Variants in AAK1 observed in about 807,000 individuals in gnomAD.
The protein encoded by AAK1 is AP2-associated protein kinase 1.
A neutral mutation model predicts 116.0 loss-of-function variants in AAK1; 37 were observed. That is an observed-to-expected ratio of 0.32 (90% CI 0.25 to 0.42). AAK1 has a LOEUF of 0.42. Among genes scored for constraint, AAK1 ranks in the 10% least tolerant of loss-of-function variants. The pLI, the probability that AAK1 is intolerant of heterozygous loss-of-function variation, is 1.00. For missense variants in AAK1, 919 were observed against 1,170.6 expected, an observed-to-expected ratio of 0.79 and a Z score of 3.14; for synonymous variants, 458 against 439.9, an observed-to-expected ratio of 1.04 and a Z score of -0.51.
Position 69,544,485 on chromosome 2 carries a change from C to A in AAK1, c.342G>T (p.Val114=), listed in dbSNP as rs1469117762. The part of the protein sequence containing the change: ...VGYIDSSINN[V]SSGDVWEVLI... ...GCACTTCCCATACATCACCGCTACTCACGTTGTTGATACTAGAATCAATGT... is the reference window on the plus strand; with the variant it reads ...GCACTTCCCATACATCACCGCTACTAACGTTGTTGATACTAGAATCAATGT... The change falls in exon 4 of 22, where the codon GTG becomes GTT. Residue 114 remains valine (V), a synonymous_variant. Transcript: ENST00000409085. 2 of 1,613,872 alleles carry A rather than the reference C, an allele frequency of 1.2e-6. No individual in the cohort carries two copies. Among genetic ancestry groups the A allele is most frequent in the African/African-American group, 1.3e-5 (1 of 75,040 alleles).
intron 5 of AAK1, among the ~76,000 whole-genome samples, chr2:69,535,346 T>C (rs1670419053): frequency 1.3e-5 from 2 of 152,162 alleles, no homozygotes; most frequent in Non-Finnish European, 2.9e-5. Context: ...ACCCATTACG[T>C]ACCCACAAAA....
intron 2 of AAK1, among the ~76,000 whole-genome samples, chr2:69,604,065 T>C (rs958952003): frequency 6.6e-6 from 1 of 152,228 alleles, no homozygotes; most frequent in Non-Finnish European, 1.5e-5. Context: ...GAGAGTCTGA[T>C]CTCATCCCTT....
intron 17 of AAK1, among the ~76,000 whole-genome samples, chr2:69,486,159 G>A (rs1022296446): frequency 6.6e-6 from 1 of 151,894 alleles, no homozygotes; most frequent in Non-Finnish European, 1.5e-5. Flanking sequence ...ATGGGGTCTC[G>A]CTATGCTGCC....
intron 2 of AAK1, among the ~76,000 whole-genome samples, chr2:69,589,683 T>C (rs1231747714): frequency 8.0e-6 from 1 of 124,368 alleles, no homozygotes; most frequent in African/African-American, 3.1e-5. Context: ...TACTCCAGCC[T>C]GGGCAACAAA....
At chr2:69,536,815 A>G (rs890123506) in intron 5 of AAK1, among the ~76,000 whole-genome samples, 4 of 152,230 alleles carry the variant, frequency 2.6e-5, no homozygotes, top group African/African-American at 7.2e-5. Flanking sequence ...ATGTATTGCC[A>G]CTGCAAAATT....
chr2:69,594,736 A>G (rs1047504842), intron 2 of AAK1: 1 of 741,396 alleles, frequency 1.3e-6, no homozygotes, highest in Admixed American at 2.2e-5. Context: ...AAGAAAAGGT[A>G]ACACTTAGAA....
chr2:69,533,705 A>T (rs1178000274), intron 5 of AAK1, among the ~76,000 whole-genome samples: 1 of 152,194 alleles, frequency 6.6e-6, no homozygotes, highest in Non-Finnish European at 1.5e-5. Context: ...TCCAGAGAGG[A>T]TATACTGGTG....
intron 2 of AAK1, among the ~76,000 whole-genome samples, chr2:69,591,215 G>A (rs908124002): frequency 6.6e-6 from 1 of 152,150 alleles, no homozygotes; most frequent in Non-Finnish European, 1.5e-5. Context: ...CAACTCAAAA[G>A]GTCACAACAG....
intron 16 of AAK1, among the ~76,000 whole-genome samples, chr2:69,498,062 T>A (rs540861799): frequency 5.1e-5 from 7 of 136,568 alleles, no homozygotes; most frequent in Non-Finnish European, 7.9e-5. Flanking sequence ...CCTCTTTTCA[T>A]CTCGCTCCCT....
intron 2 of AAK1, among the ~76,000 whole-genome samples, chr2:69,584,564 A>C (rs1408347954): frequency 2.0e-5 from 3 of 152,134 alleles, no homozygotes; most frequent in African/African-American, 7.2e-5. Flanking sequence ...GCCTCAAGCC[A>C]ATCCCCAGTT....
Position 69,642,789 on chromosome 2 carries a change from A to C in AAK1, c.163+89T>G, listed in dbSNP as rs547570670. The C allele has an allele frequency of 4.1e-5, 64 of 1,565,930 alleles. No individual in the cohort carries two copies. The South Asian group carries it at 6.6e-4, about 16-fold the overall frequency. ...GGGGAAGGGAGGGTCAACTGGTCAA[A>C]GCCCATTCATACATGCAACAACTAG... On this transcript the variant is annotated intron_variant, in intron 2 of 21. Coordinates refer to ENST00000409085, the MANE Select transcript of AAK1 (RefSeq NM_014911.5).
In AAK1 at chr2:69,553,794, G is replaced by A. The variant is rs527269932; in HGVS notation, c.282+3066C>T. On this transcript the variant is annotated intron_variant, in intron 3 of 21. Coordinates refer to ENST00000409085, the MANE Select transcript of AAK1 (RefSeq NM_014911.5). ...CTACCATGTATCAAAAAGCTACTGA[G>A]GCTGGGCATAGTGGCTCATGCCTGT... is the stretch of plus-strand genomic sequence containing the variant. Among the ~76,000 whole-genome samples, 36 of 151,742 alleles carry A rather than the reference G, an allele frequency of 2.4e-4. 1 individual carries two copies. The South Asian group carries it at 7.5e-3, about 32-fold the overall frequency.
At position 69,473,674 on chromosome 2, in the gene AAK1, CTTCATAGTTTCAATTAAA is replaced by C; in HGVS notation, c.*2177_*2194del. Reference sequence around the variant, plus strand: ...AGATACCTAATTTCTAAACTGTACTCTTCATAGTTTCAATTAAATTGAGAAACTAGATATTTCATTATA... The same window carrying C: ...AGATACCTAATTTCTAAACTGTACTCTTGAGAAACTAGATATTTCATTATA... On this transcript the variant is annotated 3_prime_UTR_variant, in exon 22 of 22. Transcript: ENST00000409085. 1.0e-6 allele frequency: 1 copy of C among 966,912 alleles called. No homozygotes were observed. The highest frequency in any genetic ancestry group is 1.2e-6 in the Non-Finnish European group (1 of 812,836). The allele number at this position is 966,912 out of a possible 1,614,324, so 59.9% of individuals were successfully genotyped here.
chr2:69,616,352 T>C (rs751015387), intron 2 of AAK1, among the ~76,000 whole-genome samples: 1 of 152,158 alleles, frequency 6.6e-6, no homozygotes, highest in Admixed American at 6.5e-5. Context: ...AAATGGTTAA[T>C]TATGTTATGT....
chr2:69,504,819 C>T (rs1676116915), intron 16 of AAK1, among the ~76,000 whole-genome samples: 1 of 152,136 alleles, frequency 6.6e-6, no homozygotes, highest in Non-Finnish European at 1.5e-5. Flanking sequence ...CTATAACTTT[C>T]ATTAGATTCA....
chr2:69,553,437 GTTTTTTTTTTTTTTT>G (rs70954350), intron 3 of AAK1, among the ~76,000 whole-genome samples: 1 of 79,598 alleles, frequency 1.3e-5, no homozygotes, highest in Non-Finnish European at 2.2e-5. Context: ...ATTGAAAGTT[GTTTTTTTTTTTTTTT>G]TTTTTTTTTT....
chr2:69,467,473 G>A lies in AAK1; in HGVS notation c.*8396C>T, dbSNP rs949159793. On this transcript the variant is annotated 3_prime_UTR_variant, in exon 22 of 22. Coordinates refer to ENST00000409085, the MANE Select transcript of AAK1 (RefSeq NM_014911.5). The stretch of plus-strand genomic sequence containing the variant: ...TCATTGGGCACATGTTAGCAAGAGG[G>A]CAGGAAAAAGGCATATGTAACTAAG... 4.1e-6 allele frequency: 4 copies of A among 985,214 alleles called. No homozygotes were observed. The highest frequency in any genetic ancestry group is 1.7e-5 in the African/African-American group (1 of 57,218). The allele number at this position is 985,214 out of a possible 1,614,324, so 61.0% of individuals were successfully genotyped here. A position where few individuals can be genotyped will look rare whatever the true frequency, so the allele number is the denominator to read the frequency against.
At chr2:69,532,201 T>C (rs776786057) in intron 5 of AAK1, 39 bp from the exon 6 acceptor site, 3 of 1,608,946 alleles carry the variant, frequency 1.9e-6, no homozygotes, top group Non-Finnish European at 1.7e-6. Flanking sequence ...CAAGATATCA[T>C]TTAGTAATGC....
chr2:69,484,483 C>T (rs1675211337), intron 17 of AAK1, among the ~76,000 whole-genome samples: 1 of 152,076 alleles, frequency 6.6e-6, no homozygotes, highest in Non-Finnish European at 1.5e-5. Flanking sequence ...CTCATTTATA[C>T]CTCGTTTATA....
Sources: gnomAD v4.1 joint callset for allele counts (sites outside exome capture counted in the v4.1 genomes callset) on GRCh38, gnomAD v4.1.1 for gene constraint, MANE v1.5 for transcripts, NCBI Gene and HGNC (gene_info 2026-07-23, HGNC 2026-07-21) for gene names.